Variants in MSRA observed in about 807,000 individuals in gnomAD.
MSRA encodes the protein methionine sulfoxide reductase A, also known as mitochondrial peptide methionine sulfoxide reductase.
In MSRA, 54 loss-of-function variants were observed where a neutral mutation model predicts 31.3. That is an observed-to-expected ratio of 1.73 (90% CI 1.39 to 2.17). MSRA has a LOEUF of 2.17. Ranked by LOEUF, MSRA falls within the 30% of genes most tolerant of loss-of-function variation. The pLI, the probability that MSRA is intolerant of heterozygous loss-of-function variation, is 0.00. For missense variants in MSRA, 507 were observed against 300.9 expected, an observed-to-expected ratio of 1.69 and a Z score of -5.07; for synonymous variants, 169 against 116.5, an observed-to-expected ratio of 1.45 and a Z score of -2.90.
At chr8:10,064,609 C>T (rs897130918) in intron 1 of MSRA, among the ~76,000 whole-genome samples, 1 of 151,940 alleles carries the variant, frequency 6.6e-6, no homozygotes, top group Non-Finnish European at 1.5e-5. Flanking sequence ...GGATGTCTTC[C>T]CAGAGCATGT....
chr8:10,209,532 T>A (rs892542227), intron 2 of MSRA, among the ~76,000 whole-genome samples: 2 of 152,186 alleles, frequency 1.3e-5, no homozygotes, highest in African/African-American at 4.8e-5. Context: ...CTTTTCTTTC[T>A]ATTTTTTATT....
intron 2 of MSRA, among the ~76,000 whole-genome samples, chr8:10,232,327 C>A (rs926333036): frequency 6.6e-6 from 1 of 152,190 alleles, no homozygotes; most frequent in African/African-American, 2.4e-5. Flanking sequence ...GTTTGTTATT[C>A]AGTGGTACCC....
intron 1 of MSRA, among the ~76,000 whole-genome samples, chr8:10,103,638 T>C (rs1338776152): frequency 2.0e-5 from 3 of 152,202 alleles, no homozygotes; most frequent in South Asian, 4.1e-4. Flanking sequence ...ATGAGGATGA[T>C]GGATAAAGAT....
At chr8:10,275,548 CCAATT>C (rs1368723381) in intron 3 of MSRA, among the ~76,000 whole-genome samples, 5 of 152,158 alleles carry the variant, frequency 3.3e-5, no homozygotes, top group African/African-American at 4.8e-5. Context: ...AGCAAAGAGT[CCAATT>C]CTCTTTCTCA....
intron 1 of MSRA, among the ~76,000 whole-genome samples, chr8:10,125,538 G>T (rs908940253): frequency 1.3e-5 from 2 of 152,196 alleles, no homozygotes; most frequent in Non-Finnish European, 2.9e-5. Context: ...CATGGACTGT[G>T]GTGGGAGATG....
chr8:10,230,320 A>G (rs1350125608), intron 2 of MSRA, among the ~76,000 whole-genome samples: 3 of 152,218 alleles, frequency 2.0e-5, no homozygotes, highest in African/African-American at 7.2e-5. Flanking sequence ...GGAGAAGGTT[A>G]TACCGGAAAT....
chr8:10,402,439 C>G (rs1807524386), intron 5 of MSRA, among the ~76,000 whole-genome samples: 2 of 152,216 alleles, frequency 1.3e-5, no homozygotes, highest in Non-Finnish European at 2.9e-5. Context: ...ACTTGCAGCT[C>G]CCACTCACCC....
chr8:10,116,793 C>G (rs905464735), intron 1 of MSRA, among the ~76,000 whole-genome samples: 1 of 152,062 alleles, frequency 6.6e-6, no homozygotes, highest in East Asian at 1.9e-4. Flanking sequence ...CATGAAGAAG[C>G]CCCGTCTCTA....
intron 5 of MSRA, among the ~76,000 whole-genome samples, chr8:10,401,656 T>G (rs1279930536): frequency 1.4e-5 from 2 of 147,896 alleles, no homozygotes; most frequent in Non-Finnish European, 3.0e-5. Flanking sequence ...GGAAGCAACT[T>G]AAGTGCCCGT....
intron 5 of MSRA, among the ~76,000 whole-genome samples, chr8:10,384,996 T>C (rs1806300590): frequency 6.6e-6 from 1 of 151,978 alleles, no homozygotes; most frequent in Admixed American, 6.5e-5. Context: ...AGCAAAACCC[T>C]GTCTCCGAAA....
At chr8:10,061,123 C>G (rs75338602) in intron 1 of MSRA, among the ~76,000 whole-genome samples, 1 of 152,056 alleles carries the variant, frequency 6.6e-6, no homozygotes, top group Non-Finnish European at 1.5e-5. Flanking sequence ...TATTCTGTAC[C>G]TCCCACAATG....
chr8:10,159,205 A>C (rs1042539428), intron 1 of MSRA, among the ~76,000 whole-genome samples: 8 of 152,154 alleles, frequency 5.3e-5, no homozygotes, highest in African/African-American at 1.9e-4. Context: ...GTCAGATGTG[A>C]GGATTGGGGA....
intron 1 of MSRA, among the ~76,000 whole-genome samples, chr8:10,173,744 T>G (rs1286084914): frequency 6.6e-6 from 1 of 152,208 alleles, no homozygotes; most frequent in East Asian, 1.9e-4. Flanking sequence ...TGTCACTGTT[T>G]TCTTGTCACT....
intron 3 of MSRA, among the ~76,000 whole-genome samples, chr8:10,281,043 C>G (rs1799596334): frequency 6.6e-6 from 1 of 152,082 alleles, no homozygotes; most frequent in African/African-American, 2.4e-5. Flanking sequence ...TGTATGGAGT[C>G]TCTTTTTGGA....
intron 1 of MSRA, among the ~76,000 whole-genome samples, chr8:10,070,570 T>G (rs55943917): frequency 0.074 from 11,294 of 152,274 alleles, 558 homozygotes; most frequent in Non-Finnish European, 0.12. Context: ...AACGAGGATA[T>G]TGACAATGAC....
chr8:10,368,891 A>G (rs544184367), intron 5 of MSRA, among the ~76,000 whole-genome samples: 1 of 152,294 alleles, frequency 6.6e-6, no homozygotes, highest in African/African-American at 2.4e-5. Context: ...AACAGCCAGA[A>G]AACCAAGCAA....
At chr8:10,172,910 G>T (rs1287997429) in intron 1 of MSRA, among the ~76,000 whole-genome samples, 1 of 152,174 alleles carries the variant, frequency 6.6e-6, no homozygotes, top group Non-Finnish European at 1.5e-5. Context: ...TGTGAGAAGG[G>T]GACAGATGGG....
At chr8:10,264,753 A>G (rs1289151135) in intron 3 of MSRA, among the ~76,000 whole-genome samples, 1 of 152,210 alleles carries the variant, frequency 6.6e-6, no homozygotes, top group East Asian at 1.9e-4. Flanking sequence ...TGAATGGGCG[A>G]GGGAGACAAT....
chr8:10,176,167 C>G (rs570074543), intron 1 of MSRA, among the ~76,000 whole-genome samples: 8 of 152,324 alleles, frequency 5.3e-5, no homozygotes, highest in African/African-American at 1.9e-4. Context: ...AAATTCATCT[C>G]TCTTTGCCAT....
Sources: gnomAD v4.1 joint callset for allele counts (sites outside exome capture counted in the v4.1 genomes callset) on GRCh38, gnomAD v4.1.1 for gene constraint, MANE v1.5 for transcripts, NCBI Gene and HGNC (gene_info 2026-07-23, HGNC 2026-07-21) for gene names.